RCL1: variants seen among roughly 807,000 people sequenced by gnomAD.
The protein encoded by RCL1 is RNA 3'-terminal phosphate cyclase-like protein.
A neutral mutation model predicts 42.4 loss-of-function variants in RCL1; 24 were observed. The observed-to-expected ratio is 0.57, with a 90% CI of 0.41 to 0.80. The LOEUF (loss-of-function observed/expected upper bound fraction) is 0.80, where lower values mean the gene tolerates loss of function less well. Ranked by LOEUF, RCL1 falls within the 30% of genes least tolerant of loss-of-function variation. The pLI, the probability that RCL1 is intolerant of heterozygous loss-of-function variation, is 0.00. For synonymous variants in RCL1, 228 were observed against 177.3 expected (o/e 1.29, Z -2.27); for missense variants, 578 against 467.9 (o/e 1.24, Z -2.17).
At position 4,861,003 on chromosome 9, in the gene RCL1, A is replaced by G. The variant is rs532105155; in HGVS notation, c.*728A>G. 1 of 152,220 alleles carries G rather than the reference A, an allele frequency of 6.6e-6. No homozygotes were observed. Among genetic ancestry groups the G allele is most frequent in the East Asian group, 1.9e-4 (1 of 5,202 alleles). The allele number at this position is 152,220 out of a possible 1,614,324, so 9.4% of individuals were successfully genotyped here. A position where few individuals can be genotyped will look rare whatever the true frequency, so the allele number is the denominator to read the frequency against. ...AAGTGCTATCTCCATGAGAAAATTCATAAAGGGTGTTTTGTTCCTTTGAAA... is the reference window on the plus strand; with the variant it reads ...AAGTGCTATCTCCATGAGAAAATTCGTAAAGGGTGTTTTGTTCCTTTGAAA... On this transcript the variant is annotated 3_prime_UTR_variant, in exon 9 of 9. Coordinates refer to ENST00000381750, the MANE Select transcript of RCL1 (RefSeq NM_005772.5).
chr9:4,852,513 A>G (rs910533782), intron 8 of RCL1, among the ~76,000 whole-genome samples: 2 of 152,236 alleles, frequency 1.3e-5, no homozygotes, highest in Non-Finnish European at 1.5e-5. Context: ...AGTCCAGCCT[A>G]TCTGGACTTA....
intron 1 of RCL1, among the ~76,000 whole-genome samples, chr9:4,816,575 T>C (rs995535491): frequency 1.3e-5 from 2 of 152,130 alleles, no homozygotes; most frequent in Non-Finnish European, 2.9e-5. Flanking sequence ...TTAATTAATG[T>C]TGTTGTTTTC....
At chr9:4,807,529 A>T (rs1197455526) in intron 1 of RCL1, among the ~76,000 whole-genome samples, 1 of 151,462 alleles carries the variant, frequency 6.6e-6, no homozygotes. Flanking sequence ...TTTTATTTTT[A>T]TTTTTTTGAG....
intron 8 of RCL1, among the ~76,000 whole-genome samples, chr9:4,851,885 C>CTT (rs1214271046): frequency 1.6e-5 from 2 of 124,462 alleles, no homozygotes; most frequent in African/African-American, 3.0e-5. Flanking sequence ...GTGTGAAACT[C>CTT]TTTTTTTTTT....
intron 2 of RCL1, among the ~76,000 whole-genome samples, chr9:4,825,153 GA>G (rs2131001938): frequency 6.6e-6 from 1 of 151,902 alleles, no homozygotes; most frequent in Admixed American, 6.6e-5. Context: ...AAAGTGTTGG[GA>G]TTACAGGCAT....
At chr9:4,796,957 G>T (rs1842923345) in intron 1 of RCL1, among the ~76,000 whole-genome samples, 1 of 152,166 alleles carries the variant, frequency 6.6e-6, no homozygotes, top group African/African-American at 2.4e-5. Context: ...CCATATGAAA[G>T]AAACAGTTTT....
In RCL1 at chr9:4,799,900, G is replaced by T. The variant is rs572194121; in HGVS notation, c.136+6673G>T. ...CTGTCACCCATGGTCACCGTGGTAGGCATGGTGACTATCATCAAAAGTTGA... is the reference window on the plus strand; with the variant it reads ...CTGTCACCCATGGTCACCGTGGTAGTCATGGTGACTATCATCAAAAGTTGA... On this transcript the variant is annotated intron_variant, in intron 1 of 8. Transcript: ENST00000381750. 3.3e-5 allele frequency among the ~76,000 whole-genome samples: 5 copies of T among 152,236 alleles called. No individual in the cohort carries two copies. The South Asian group carries it at 1.0e-3, about 32-fold the overall frequency.
intron 1 of RCL1, among the ~76,000 whole-genome samples, chr9:4,802,698 GCAGGTAACTA>G (rs1299169867): frequency 1.3e-5 from 2 of 152,066 alleles, no homozygotes; most frequent in Non-Finnish European, 2.9e-5. Flanking sequence ...ATTTATTAAG[GCAGGTAACTA>G]CATAGAAAAA....
intron 1 of RCL1, among the ~76,000 whole-genome samples, chr9:4,796,823 C>CATA (rs1563824557): frequency 1.2e-4 from 18 of 152,094 alleles, no homozygotes; most frequent in African/African-American, 4.3e-4. Flanking sequence ...GTGAATAGTG[C>CATA]TGCAATAAAC....
chr9:4,827,145 C>T, intron 3 of RCL1, 112 bp downstream of exon 3: 1 of 1,559,148 alleles, frequency 6.4e-7, no homozygotes, highest in East Asian at 2.4e-5. Flanking sequence ...ATGTATATTG[C>T]TTTTGTTATT....
chr9:4,826,773 C>T, intron 2 of RCL1, 85 bp from the exon 3 acceptor site: 1 of 1,213,412 alleles, frequency 8.2e-7, no homozygotes, highest in Admixed American at 2.2e-5. Flanking sequence ...GTCAGGCTTT[C>T]CCCTTGGAAC....
intron 7 of RCL1, among the ~76,000 whole-genome samples, chr9:4,846,528 C>T (rs1414767123): frequency 6.6e-6 from 1 of 152,080 alleles, no homozygotes; most frequent in Non-Finnish European, 1.5e-5. Context: ...GTTGCCCTGC[C>T]AGTTACTTAA....
rs563681920 is a variant in RCL1 at position 4,823,388 on chromosome 9, C to A, written c.137-160C>A. Among the ~76,000 whole-genome samples the A allele has an allele frequency of 4.0e-4, 60 of 151,450 alleles. No homozygotes were observed. In the South Asian group the frequency reaches 0.013, roughly 32 times the overall value. ...TTTTCAACTGCGTCAGGTTCCTCAA[C>A]CTGTGAACCTACCCAGTCCTTTAGG... On this transcript the variant is annotated intron_variant, in intron 1 of 8. Transcript: ENST00000381750.
intron 1 of RCL1, among the ~76,000 whole-genome samples, chr9:4,812,938 A>T (rs1816231857): frequency 6.6e-6 from 1 of 152,126 alleles, no homozygotes; most frequent in South Asian, 2.1e-4. Flanking sequence ...AGAACTACTG[A>T]ATTTGTTTAT....
At chr9:4,801,695 G>A (rs1280902862) in intron 1 of RCL1, among the ~76,000 whole-genome samples, 1 of 149,626 alleles carries the variant, frequency 6.7e-6, no homozygotes, top group Non-Finnish European at 1.5e-5. Flanking sequence ...CCTAGCTTTA[G>A]GTGCGAGACT....
At chr9:4,846,710 C>G (rs1438907473) in intron 7 of RCL1, among the ~76,000 whole-genome samples, 1 of 152,026 alleles carries the variant, frequency 6.6e-6, no homozygotes, top group Non-Finnish European at 1.5e-5. Context: ...CCATGTCTTT[C>G]TAATAGACCT....
chr9:4,813,335 T>A (rs1375736995), intron 1 of RCL1, among the ~76,000 whole-genome samples: 1 of 152,006 alleles, frequency 6.6e-6, no homozygotes, highest in Non-Finnish European at 1.5e-5. Flanking sequence ...TAAACAAATT[T>A]ACAAGAAAAA....
chr9:4,853,719 A>C (rs548938387), intron 8 of RCL1, among the ~76,000 whole-genome samples: 1 of 152,304 alleles, frequency 6.6e-6, no homozygotes, highest in East Asian at 1.9e-4. Flanking sequence ...TCTTTTCAGC[A>C]AAGTCCTCGT....
intron 6 of RCL1, among the ~76,000 whole-genome samples, chr9:4,844,151 A>G (rs1330927036): frequency 6.6e-6 from 1 of 152,190 alleles, no homozygotes; most frequent in East Asian, 1.9e-4. Flanking sequence ...CCTGCCAGAC[A>G]CATAGAAAGT....
Sources: gnomAD v4.1 joint callset for allele counts (sites outside exome capture counted in the v4.1 genomes callset) on GRCh38, gnomAD v4.1.1 for gene constraint, MANE v1.5 for transcripts, NCBI Gene and HGNC (gene_info 2026-07-23, HGNC 2026-07-21) for gene names.